Variants in PCDH15 observed in about 807,000 individuals in gnomAD.
PCDH15 encodes protocadherin related 15, also known as protocadherin-15.
In PCDH15, 129 loss-of-function variants were observed where a neutral mutation model predicts 178.5. The observed-to-expected ratio is 0.72, with a 90% CI of 0.63 to 0.84. The LOEUF is 0.84. PCDH15 is among the 40% of genes least tolerant of loss of function. The pLI is 0.00. For synonymous variants in PCDH15, 800 were observed against 732.0 expected (o/e 1.09, Z -1.50); for missense variants, 2,230 against 2,099.9 (o/e 1.06, Z -1.21).
At chr10:53,956,719 G>C (rs777982753) in intron 23 of PCDH15, among the ~76,000 whole-genome samples, 1 of 152,042 alleles carries the variant, frequency 6.6e-6, no homozygotes, top group Non-Finnish European at 1.5e-5. Context: ...AATAACAAAT[G>C]AACTGGGATA....
chr10:54,770,173 A>G (rs976503209), intron 1 of PCDH15, among the ~76,000 whole-genome samples: 2 of 152,162 alleles, frequency 1.3e-5, no homozygotes, highest in African/African-American at 4.8e-5. Context: ...TGACTAGGGC[A>G]TATGTTTCTG....
At chr10:55,368,034 T>C (rs1202500965) in intron 2 of PCDH15, among the ~76,000 whole-genome samples, 1 of 152,180 alleles carries the variant, frequency 6.6e-6, no homozygotes, top group Non-Finnish European at 1.5e-5. Context: ...CCTTTAGTTT[T>C]TGCTGTATTT....
intron 13 of PCDH15, among the ~76,000 whole-genome samples, chr10:54,168,276 C>G (rs1338602584): frequency 6.6e-6 from 1 of 152,168 alleles, no homozygotes; most frequent in East Asian, 1.9e-4. Flanking sequence ...TTCTTTTACA[C>G]ATCAGTCCCT....
chr10:55,006,419 G>C (rs1326921736), intron 2 of PCDH15, among the ~76,000 whole-genome samples: 1 of 151,986 alleles, frequency 6.6e-6, no homozygotes, highest in Non-Finnish European at 1.5e-5. Context: ...ATTGTTTAAG[G>C]CTTATTATAG....
chr10:54,864,333 C>T (rs1019302868), intron 3 of PCDH15, among the ~76,000 whole-genome samples: 4 of 152,010 alleles, frequency 2.6e-5, no homozygotes, highest in Non-Finnish European at 5.9e-5. Flanking sequence ...ATTGGTTGAC[C>T]TCTTTTTTCA....
chr10:54,476,467 G>A (rs2078280799), intron 3 of PCDH15, among the ~76,000 whole-genome samples: 1 of 152,012 alleles, frequency 6.6e-6, no homozygotes, highest in African/African-American at 2.4e-5. Context: ...AGTGAAATGG[G>A]AAAATGTTAG....
At chr10:53,975,262 T>C (rs1440924637) in intron 21 of PCDH15, among the ~76,000 whole-genome samples, 1 of 152,150 alleles carries the variant, frequency 6.6e-6, no homozygotes, top group African/African-American at 2.4e-5. Flanking sequence ...ATGTGACTTT[T>C]TGGTAGAGCA....
chr10:54,777,458 C>T (rs964348020), intron 1 of PCDH15, among the ~76,000 whole-genome samples: 2 of 152,126 alleles, frequency 1.3e-5, no homozygotes, highest in Admixed American at 6.5e-5. Flanking sequence ...AGACTGCTTA[C>T]AAGAGGATTA....
intron 2 of PCDH15, among the ~76,000 whole-genome samples, chr10:55,542,274 A>T (rs892529382): frequency 2.0e-5 from 3 of 151,106 alleles, no homozygotes; most frequent in Non-Finnish European, 4.4e-5. Context: ...GTATGTCTAT[A>T]TTATGTATAT....
chr10:54,409,537 G>T (rs1359352491), intron 3 of PCDH15, among the ~76,000 whole-genome samples: 2 of 151,920 alleles, frequency 1.3e-5, no homozygotes, highest in African/African-American at 2.4e-5. Flanking sequence ...CAGGTAGCTG[G>T]TCTTTACTGT....
chr10:54,838,900 T>C (rs1043519641), intron 3 of PCDH15, among the ~76,000 whole-genome samples: 1 of 152,164 alleles, frequency 6.6e-6, no homozygotes, highest in Non-Finnish European at 1.5e-5. Flanking sequence ...ACAGGATTCA[T>C]GCCCACTCTG....
intron 9 of PCDH15, among the ~76,000 whole-genome samples, 165 bp from the exon 10 acceptor site, chr10:54,214,213 T>C (rs1195592181): frequency 6.6e-6 from 1 of 151,380 alleles, no homozygotes; most frequent in Non-Finnish European, 1.5e-5. Context: ...ATGTGGTATA[T>C]AGTTATTAAT....
At chr10:53,983,175 TAAC>T (rs1217367695) in intron 21 of PCDH15, among the ~76,000 whole-genome samples, 1 of 152,028 alleles carries the variant, frequency 6.6e-6, no homozygotes. Flanking sequence ...AAGTATGATT[TAAC>T]ATCAGGAATT....
At chr10:54,682,893 C>T (rs2094925174) in intron 1 of PCDH15, among the ~76,000 whole-genome samples, 2 of 152,190 alleles carry the variant, frequency 1.3e-5, no homozygotes, top group South Asian at 4.1e-4. Flanking sequence ...TCAAGATTTG[C>T]TTGATAGCAT....
In PCDH15 at chr10:53,806,400, GATTA is replaced by G; in HGVS notation, c.*175_*178del. 1.8e-6 allele frequency: 1 copy of G among 557,654 alleles called. No individual in the cohort carries two copies. The highest frequency in any genetic ancestry group is 2.9e-5 in the East Asian group (1 of 34,106). The allele number at this position is 557,654 out of a possible 1,614,324, so 34.5% of individuals were successfully genotyped here. A position where few individuals can be genotyped will look rare whatever the true frequency, so the allele number is the denominator to read the frequency against. ...TCCAAAAGGATTTTCTGGGAAAAAC[GATTA>G]ATTGATAACAATGTGAGTGCAAATC... On this transcript the variant is annotated 3_prime_UTR_variant, in exon 38 of 38. Transcript: ENST00000644397.
intron 9 of PCDH15, among the ~76,000 whole-genome samples, chr10:54,221,600 C>CT (rs200046291): frequency 0.04 from 5,739 of 143,016 alleles, 131 homozygotes; most frequent in Middle Eastern, 0.099. Flanking sequence ...AGTATGTATT[C>CT]TTTTTTTTTT....
intron 1 of PCDH15, among the ~76,000 whole-genome samples, chr10:55,318,223 AG>A: frequency 6.6e-6 from 1 of 151,642 alleles, no homozygotes; most frequent in South Asian, 2.1e-4. Context: ...AAAACACACG[AG>A]AGAGAGAGAG....
chr10:53,815,402 T>A (rs1340990734), intron 35 of PCDH15, among the ~76,000 whole-genome samples: 1 of 152,148 alleles, frequency 6.6e-6, no homozygotes, highest in East Asian at 1.9e-4. Flanking sequence ...CAGATGTGTA[T>A]CTTGACTAAG....
chr10:55,489,580 A>C (rs1840369836), intron 2 of PCDH15, among the ~76,000 whole-genome samples: 1 of 151,658 alleles, frequency 6.6e-6, no homozygotes, highest in Admixed American at 6.6e-5. Context: ...CATACATCTC[A>C]AGTAAGAAGT....
Sources: gnomAD v4.1 joint callset for allele counts (sites outside exome capture counted in the v4.1 genomes callset) on GRCh38, gnomAD v4.1.1 for gene constraint, MANE v1.5 for transcripts, NCBI Gene and HGNC (gene_info 2026-07-23, HGNC 2026-07-21) for gene names.